The following PDIA6 variants were observed in gnomAD, a reference collection of about 807,000 sequenced individuals.
The protein encoded by PDIA6 is protein disulfide isomerase family A member 6, also known as protein disulfide-isomerase A6.
Under a neutral mutation model 58.4 loss-of-function variants are expected in PDIA6, and 29 were observed. The ratio of observed to expected loss-of-function variants is 0.50; its 90% CI spans 0.37 to 0.68. The LOEUF is 0.68. PDIA6 is among the 30% of genes least tolerant of loss of function. The pLI, the probability that PDIA6 is intolerant of heterozygous loss-of-function variation, is 0.00. For missense variants in PDIA6, 480 were observed against 551.0 expected (o/e 0.87, Z 1.29); for synonymous variants, 192 against 202.6 (o/e 0.95, Z 0.44).
rs1348970735 is a variant in PDIA6, at chr2:10,790,847, T to C, written c.585-14A>G. Reference sequence around the variant, plus strand: ...TCTGGCTCTAGGCTATAGAAAAATATTCGTTTTGTTTTGTTTCTTTGAGAC... The same window carrying C: ...TCTGGCTCTAGGCTATAGAAAAATACTCGTTTTGTTTTGTTTCTTTGAGAC... On this transcript the variant is annotated splice_polypyrimidine_tract_variant and intron_variant, in intron 6 of 12. Coordinates refer to ENST00000272227, the MANE Select transcript of PDIA6 (RefSeq NM_005742.4). The C allele has an allele frequency of 2.5e-6, 4 of 1,594,112 alleles. No individual in the cohort carries two copies. In the African/African-American group the frequency reaches 5.4e-5, roughly 21 times the overall value.
At chr2:10,836,822 T>A (rs1239028877), upstream of PDIA6, among the ~76,000 whole-genome samples, 1 of 152,148 alleles carries the variant, frequency 6.6e-6, no homozygotes, top group Non-Finnish European at 1.5e-5. Context: ...TTACTTCATG[T>A]GAGCAAGAAG....
chr2:10,812,198 C>A (rs1403299059), intron 1 of PDIA6, among the ~76,000 whole-genome samples: 3 of 152,202 alleles, frequency 2.0e-5, no homozygotes, highest in African/African-American at 2.4e-5. Context: ...GTGTGAGCCA[C>A]CGCGCCCGGC....
At chr2:10,806,724 T>C (rs919285629) in intron 1 of PDIA6, among the ~76,000 whole-genome samples, 1 of 151,954 alleles carries the variant, frequency 6.6e-6, no homozygotes, top group Non-Finnish European at 1.5e-5. Context: ...TCATGCAAGC[T>C]GCATTCACGG....
At chr2:10,806,498 A>G (rs1008468464) in intron 1 of PDIA6, among the ~76,000 whole-genome samples, 4 of 150,720 alleles carry the variant, frequency 2.7e-5, no homozygotes, top group Admixed American at 2.0e-4. Flanking sequence ...AATGTTGACC[A>G]GATGCCATGG....
upstream of PDIA6, among the ~76,000 whole-genome samples, chr2:10,834,235 A>G (rs1353642071): frequency 6.6e-6 from 1 of 152,268 alleles, no homozygotes; most frequent in Non-Finnish European, 1.5e-5. Flanking sequence ...GCTTCTGAGC[A>G]GAGACAAAAA....
At chr2:10,826,159 T>C (rs1174736569) in intron 1 of PDIA6, among the ~76,000 whole-genome samples, 1 of 152,218 alleles carries the variant, frequency 6.6e-6, no homozygotes, top group African/African-American at 2.4e-5. Flanking sequence ...GGAAGCGCAG[T>C]GGCATGCCAC....
chr2:10,799,115 A>T (rs17365216), intron 2 of PDIA6, among the ~76,000 whole-genome samples: 1 of 152,120 alleles, frequency 6.6e-6, no homozygotes, highest in Non-Finnish European at 1.5e-5. Flanking sequence ...TGGGAAATAC[A>T]ACACAGAAAA....
chr2:10,820,988 C>A, intron 1 of PDIA6: 2 of 633,246 alleles, frequency 3.2e-6, no homozygotes, highest in South Asian at 1.8e-5. Context: ...TTAAGCAGGT[C>A]GTTGGGCCCA....
upstream of PDIA6, among the ~76,000 whole-genome samples, chr2:10,816,300 G>C (rs963818315): frequency 6.6e-6 from 1 of 151,390 alleles, no homozygotes; most frequent in Non-Finnish European, 1.5e-5. Context: ...GGAGAGGCTG[G>C]TCTCGAACTC....
chr2:10,803,029 G>A lies in PDIA6; in HGVS notation c.20-389C>T, dbSNP rs143735052. On this transcript the variant is annotated intron_variant, in intron 1 of 12. Coordinates refer to ENST00000272227, the MANE Select transcript of PDIA6 (RefSeq NM_005742.4). The stretch of plus-strand genomic sequence containing the variant: ...TGCCTGTGTAACCCTGGGCAATCAC[G>A]TAGTAATCATTCCTCATGTTATTCA... Among the ~76,000 whole-genome samples, 359 of 152,336 alleles carry A rather than the reference G, an allele frequency of 2.4e-3. 2 individuals are homozygous for A. The highest frequency in any genetic ancestry group is 6.9e-3 in the African/African-American group (285 of 41,584).
chr2:10,806,223 C>A (rs1228200515), intron 1 of PDIA6, among the ~76,000 whole-genome samples: 1 of 151,128 alleles, frequency 6.6e-6, no homozygotes, highest in African/African-American at 2.4e-5. Flanking sequence ...CAAAAATTAG[C>A]CAGGCATGGT....
chr2:10,784,931 C>T lies in PDIA6; in HGVS notation c.1254+3G>A. 6.4e-7 allele frequency: 1 copy of T among 1,573,914 alleles called. No homozygotes were observed. Among genetic ancestry groups the T allele is most frequent in the Non-Finnish European group, 8.6e-7 (1 of 1,156,734 alleles). Reference sequence around the variant, plus strand: ...CCGCACAGCTTCCCTCCCGGGCACTCACCTCGCCATCCCTGCCGTCCCAAG... The same window carrying T: ...CCGCACAGCTTCCCTCCCGGGCACTTACCTCGCCATCCCTGCCGTCCCAAG... On this transcript the variant is annotated splice_donor_region_variant and intron_variant, in intron 12 of 12. Coordinates refer to ENST00000272227, the MANE Select transcript of PDIA6 (RefSeq NM_005742.4).
intron 2 of PDIA6, among the ~76,000 whole-genome samples, chr2:10,801,086 T>G (rs188179857): frequency 1.9e-4 from 29 of 152,170 alleles, no homozygotes; most frequent in African/African-American, 6.3e-4. Flanking sequence ...AGAGACCAGC[T>G]TGGACAACAT....
chr2:10,813,213 T>C (rs1667086665), upstream of PDIA6, among the ~76,000 whole-genome samples: 1 of 152,226 alleles, frequency 6.6e-6, no homozygotes, highest in South Asian at 2.1e-4. Context: ...GGAATTCCTC[T>C]TGTGCCCGAC....
upstream of PDIA6, among the ~76,000 whole-genome samples, chr2:10,813,167 C>G (rs551708200): frequency 6.6e-6 from 1 of 152,186 alleles, no homozygotes; most frequent in Non-Finnish European, 1.5e-5. Flanking sequence ...GAGCGTGACT[C>G]GGCCTCAGGG....
At chr2:10,809,955 C>G (rs1666932551) in intron 1 of PDIA6, among the ~76,000 whole-genome samples, 1 of 149,600 alleles carries the variant, frequency 6.7e-6, no homozygotes, top group Admixed American at 6.8e-5. Context: ...AGGGAAAATT[C>G]TTATATTTTC....
chr2:10,818,855 A>C (rs1459960595), intron 2 of PDIA6, among the ~76,000 whole-genome samples: 1 of 152,090 alleles, frequency 6.6e-6, no homozygotes, highest in Non-Finnish European at 1.5e-5. Context: ...GTTCCATGGC[A>C]TTAAATGCGC....
At chr2:10,837,449 T>G, upstream of PDIA6, 2 of 654,024 alleles carry the variant, frequency 3.1e-6, no homozygotes, top group Admixed American at 2.5e-5. Context: ...GAGAAAAAAA[T>G]AAGATGAAGC....
intron 1 of PDIA6, among the ~76,000 whole-genome samples, chr2:10,825,488 T>G (rs953976972): frequency 6.6e-6 from 1 of 152,220 alleles, no homozygotes; most frequent in African/African-American, 2.4e-5. Context: ...AATTTGGAAT[T>G]CATCAAATTA....
Sources: gnomAD v4.1 joint callset for allele counts (sites outside exome capture counted in the v4.1 genomes callset) on GRCh38, gnomAD v4.1.1 for gene constraint, MANE v1.5 for transcripts, NCBI Gene and HGNC (gene_info 2026-07-23, HGNC 2026-07-21) for gene names.